The following FMOD variants were observed in gnomAD, a reference collection of about 807,000 sequenced individuals.
FMOD encodes fibromodulin.
FMOD carries 15 observed loss-of-function variants against 27.0 expected under a neutral mutation model. That is an observed-to-expected ratio of 0.55 (90% CI 0.37 to 0.85). The LOEUF is 0.85. FMOD is among the 40% of genes least tolerant of loss of function. FMOD has a pLI of 0.00. For synonymous variants in FMOD, 210 were observed against 214.0 expected, an observed-to-expected ratio of 0.98 and a Z score of 0.16; for missense variants, 460 against 483.2, an observed-to-expected ratio of 0.95 and a Z score of 0.45.
Position 203,347,557 on chromosome 1 carries a change from C to T in FMOD, c.714G>A (p.Val238=), listed in dbSNP as rs919890414. ...LDLSYNHLRK[V]PDGLPSALEQ... ...CAAGAGCTGAGGGCAGCCCATCAGG[C>T]ACCTTCCGAAGGTGGTTATAACTCA... Residue 238 remains valine, a synonymous_variant, in exon 2 of 3, where the codon GTG becomes GTA. Coordinates refer to ENST00000354955, the MANE Select transcript of FMOD (RefSeq NM_002023.5). The T allele has an allele frequency of 3.2e-5, 52 of 1,614,064 alleles. No individual in the cohort carries two copies. Among genetic ancestry groups the T allele is most frequent in the Non-Finnish European group, 4.4e-5 (52 of 1,180,032 alleles).
rs768385270 is a variant in FMOD at position 203,342,349 on chromosome 1, C to A, written c.1125G>T (p.Glu375Asp). ...PLCLRLASLI[E>D]I is the part of the protein sequence containing the mutation. ...TACCCGGTGCCAGGGCTGCTCAGAT[C>A]TCGATGAGGCTGGCAAGGCGCAGGC... The change falls in exon 3 of 3, where the codon GAG (glutamate) becomes GAT (aspartate). Residue 375 changes from glutamate (E) to aspartate (D), a missense_variant. Glu to Asp is a conservative substitution (Grantham distance 45). Coordinates refer to ENST00000354955, the MANE Select transcript of FMOD (RefSeq NM_002023.5). The A allele has an allele frequency of 3.7e-5, 60 of 1,611,228 alleles. No homozygotes were observed. Among genetic ancestry groups the A allele is most frequent in the Non-Finnish European group, 3.6e-5 (42 of 1,178,024 alleles).
chr1:203,346,086 C>T (rs1194893437), intron 2 of FMOD, among the ~76,000 whole-genome samples: 1 of 152,106 alleles, frequency 6.6e-6, no homozygotes, highest in African/African-American at 2.4e-5. Context: ...TCCCAAATTG[C>T]CCTCTGGGGC....
At chr1:203,343,372 C>T (rs537034679) in intron 2 of FMOD, among the ~76,000 whole-genome samples, 33 of 152,332 alleles carry the variant, frequency 2.2e-4, no homozygotes, top group African/African-American at 7.9e-4. Context: ...CTCCAGTCTA[C>T]TGGGTCAGTA....
Position 203,348,063 on chromosome 1 carries a change from G to A in FMOD, c.208C>T (p.Pro70Ser). The change falls in exon 2 of 3, where the codon CCT becomes TCT. Residue 70 changes from proline (P) to serine (S), a missense_variant. Pro to Ser is a moderately conservative substitution (Grantham distance 74). Coordinates refer to ENST00000354955, the MANE Select transcript of FMOD (RefSeq NM_002023.5). ...GPAYTYGSPS[P>S]PDPRDCPQEC... is the part of the protein sequence containing the mutation. ...TGGGGGCAGTCGCGGGGATCTGGAG[G>A]GGATGGAGAGCCGTAGGTGTAGGCT... The A allele has an allele frequency of 6.2e-7, 1 of 1,613,908 alleles. No homozygotes were observed. The highest frequency in any genetic ancestry group is 1.3e-5 in the African/African-American group (1 of 75,032).
chr1:203,350,576 A>AACACACACACACACACACACAC (rs754601876), intron 1 of FMOD, among the ~76,000 whole-genome samples: 202 of 131,662 alleles, frequency 1.5e-3, no homozygotes, highest in African/African-American at 5.9e-3. Flanking sequence ...TTCCACTCCA[A>AACACACACACACACACACACAC]ACACACACAC....
chr1:203,347,500 G>A lies in FMOD; in HGVS notation c.771C>T (p.Tyr257=), dbSNP rs1357414218. ...CCCGGAAGTAGCTATCGGGGACGGT[G>A]TAGACATTGTTGTGCTCCATGTACA... ...EQLYMEHNNV[Y]TVPDSYFRGA... The change falls in exon 2 of 3, where the codon TAC becomes TAT. Residue 257 remains tyrosine (Y), a synonymous_variant. Transcript: ENST00000354955. 1 of 1,614,210 alleles carries A rather than the reference G, an allele frequency of 6.2e-7. No homozygotes were observed. Among genetic ancestry groups the A allele is most frequent in the Non-Finnish European group, 8.5e-7 (1 of 1,180,028 alleles).
chr1:203,344,152 C>T (rs544331466), intron 2 of FMOD, among the ~76,000 whole-genome samples: 3 of 152,244 alleles, frequency 2.0e-5, no homozygotes, highest in South Asian at 2.1e-4. Flanking sequence ...TCTATGTTAT[C>T]TGTGTACAAG....
intron 2 of FMOD, among the ~76,000 whole-genome samples, chr1:203,342,966 G>A (rs1414449375): frequency 6.6e-6 from 1 of 152,114 alleles, no homozygotes; most frequent in East Asian, 1.9e-4. Flanking sequence ...TTTACAGATA[G>A]AAAAAGTGGC....
intron 1 of FMOD, among the ~76,000 whole-genome samples, chr1:203,349,742 A>G (rs755487353): frequency 3.3e-5 from 5 of 152,196 alleles, no homozygotes; most frequent in Non-Finnish European, 5.9e-5. Flanking sequence ...AAAGACCCCA[A>G]CTATGACACT....
intron 2 of FMOD, among the ~76,000 whole-genome samples, chr1:203,342,798 A>G (rs1278474298): frequency 4.7e-5 from 7 of 148,290 alleles, no homozygotes; most frequent in Admixed American, 6.8e-5. Context: ...TTTTAGCAGG[A>G]TAGGGGGGCA....
chr1:203,347,105 T>C (rs761021336), intron 2 of FMOD, among the ~76,000 whole-genome samples, 187 bp downstream of exon 2: 1 of 152,252 alleles, frequency 6.6e-6, no homozygotes, highest in Non-Finnish European at 1.5e-5. Context: ...CTGAATTGTC[T>C]TAGCACTGCT....
Position 203,341,701 on chromosome 1 carries a change from G to A in FMOD, c.*642C>T, listed in dbSNP as rs1256095969. On this transcript the variant is annotated 3_prime_UTR_variant, in exon 3 of 3. Coordinates refer to ENST00000354955, the MANE Select transcript of FMOD (RefSeq NM_002023.5). ...GGTGGCTTTCCAGGGGTGAGGTTAG[G>A]GAGGTATAGAAGTGACTCCTGGTGT... The A allele has an allele frequency of 1.3e-5, 2 of 152,236 alleles. No homozygotes were observed. Among genetic ancestry groups the A allele is most frequent in the East Asian group, 1.9e-4 (1 of 5,198 alleles). The allele number at this position is 152,236 out of a possible 1,614,324, so 9.4% of individuals were successfully genotyped here.
chr1:203,343,835 G>T (rs1658841715), intron 2 of FMOD, among the ~76,000 whole-genome samples: 1 of 152,164 alleles, frequency 6.6e-6, no homozygotes, highest in Admixed American at 6.5e-5. Context: ...AGAGGCTGAT[G>T]AAAAAAGTGT....
intron 1 of FMOD, among the ~76,000 whole-genome samples, chr1:203,350,804 G>A (rs1377214871): frequency 6.6e-6 from 1 of 152,158 alleles, no homozygotes; most frequent in East Asian, 1.9e-4. Context: ...AGAATTGGAG[G>A]TCCCCTCAGC....
chr1:203,347,077 G>T (rs565674927), intron 2 of FMOD, among the ~76,000 whole-genome samples: 3 of 152,242 alleles, frequency 2.0e-5, no homozygotes, highest in African/African-American at 4.8e-5. Context: ...GTCTTCTTCT[G>T]TACCAACCCA....
At chr1:203,348,764 A>G (rs779307800) in intron 1 of FMOD, among the ~76,000 whole-genome samples, 2 of 152,234 alleles carry the variant, frequency 1.3e-5, no homozygotes, top group Non-Finnish European at 2.9e-5. Flanking sequence ...CTAGGATGGG[A>G]GACCTCCAGA....
intron 1 of FMOD, among the ~76,000 whole-genome samples, chr1:203,350,821 A>G (rs1421254678): frequency 6.6e-6 from 1 of 152,132 alleles, no homozygotes; most frequent in Non-Finnish European, 1.5e-5. Flanking sequence ...CAGCACCCAT[A>G]AAGGAACTGT....
intron 2 of FMOD, among the ~76,000 whole-genome samples, chr1:203,343,993 G>A (rs1658843566): frequency 6.6e-6 from 1 of 152,134 alleles, no homozygotes; most frequent in Non-Finnish European, 1.5e-5. Context: ...GAAAAGTAGC[G>A]GAAACTGGGA....
intron 2 of FMOD, among the ~76,000 whole-genome samples, chr1:203,346,233 C>T (rs999081793): frequency 1.3e-5 from 2 of 152,032 alleles, no homozygotes; most frequent in Non-Finnish European, 2.9e-5. Context: ...TTTGATGGTG[C>T]GGTTCTATCT....
Sources: allele counts gnomAD v4.1 joint callset (sites outside exome capture counted in the v4.1 genomes callset), GRCh38; gene constraint gnomAD v4.1.1; transcripts MANE v1.5; gene names NCBI Gene and HGNC (gene_info 2026-07-23, HGNC 2026-07-21).